CSMD1: variants seen among roughly 807,000 people sequenced by gnomAD.
The protein encoded by CSMD1 is CUB and sushi domain-containing protein 1.
A neutral mutation model predicts 417.5 loss-of-function variants in CSMD1; 213 were observed. The observed-to-expected ratio is 0.51, with a 90% confidence interval of 0.46 to 0.57. The LOEUF is 0.57. Among genes scored for constraint, CSMD1 ranks in the 20% least tolerant of loss-of-function variants. The probability of loss-of-function intolerance (pLI) is 0.00; values close to 1 mark genes in which losing one functional copy is unlikely to be tolerated. For missense variants in CSMD1, 6,923 were observed against 4,529.7 expected, an observed-to-expected ratio of 1.53 and a Z score of -15.17; for synonymous variants, 2,862 against 1,736.8, an observed-to-expected ratio of 1.65 and a Z score of -16.11.
At chr8:3,577,348 T>C (rs913694102) in intron 9 of CSMD1, among the ~76,000 whole-genome samples, 10 of 152,252 alleles carry the variant, frequency 6.6e-5, no homozygotes, top group African/African-American at 2.4e-4. Flanking sequence ...AAGCAAGTCA[T>C]GGACCCAGTT....
chr8:3,949,023 G>C (rs779372190), intron 5 of CSMD1, among the ~76,000 whole-genome samples: 2 of 151,924 alleles, frequency 1.3e-5, no homozygotes, highest in African/African-American at 4.8e-5. Context: ...ATCTGAACTA[G>C]AATTTTCTAA....
chr8:4,872,706 CAGAA>C (rs1802805377), intron 1 of CSMD1, among the ~76,000 whole-genome samples: 1 of 152,058 alleles, frequency 6.6e-6, no homozygotes, highest in African/African-American at 2.4e-5. Context: ...AACACAGAGA[CAGAA>C]AGAGACAGAG....
intron 1 of CSMD1, among the ~76,000 whole-genome samples, chr8:4,680,748 T>G (rs1041215894): frequency 2.0e-5 from 3 of 151,938 alleles, no homozygotes; most frequent in Non-Finnish European, 4.4e-5. Flanking sequence ...CCCAGCTATT[T>G]TTTGTATTTT....
chr8:4,285,440 G>C (rs1007979712), intron 3 of CSMD1, among the ~76,000 whole-genome samples: 1 of 152,256 alleles, frequency 6.6e-6, no homozygotes, highest in Admixed American at 6.5e-5. Context: ...ACCTAGACAA[G>C]GGTATTAGTT....
intron 2 of CSMD1, among the ~76,000 whole-genome samples, chr8:4,452,044 T>C (rs559968171): frequency 9.2e-5 from 14 of 151,676 alleles, no homozygotes; most frequent in Non-Finnish European, 1.6e-4. Context: ...ACCAGAGGGG[T>C]GGAAGAGGAA....
chr8:4,713,471 G>A (rs1256387257), intron 1 of CSMD1, among the ~76,000 whole-genome samples: 1 of 151,974 alleles, frequency 6.6e-6, no homozygotes, highest in Non-Finnish European at 1.5e-5. Flanking sequence ...GCGCGATACC[G>A]GCTCACTGCC....
intron 12 of CSMD1, among the ~76,000 whole-genome samples, chr8:3,442,879 A>G (rs182128443): frequency 1.8e-4 from 27 of 152,254 alleles, no homozygotes; most frequent in Admixed American, 5.9e-4. Context: ...GAATATTATA[A>G]CTTCACACAT....
At chr8:3,774,041 T>C (rs1032852324) in intron 5 of CSMD1, among the ~76,000 whole-genome samples, 1 of 152,190 alleles carries the variant, frequency 6.6e-6, no homozygotes, top group African/African-American at 2.4e-5. Flanking sequence ...TCTTTCATTC[T>C]TGGGCTTTTG....
chr8:4,251,210 A>G (rs1803045391), intron 3 of CSMD1, among the ~76,000 whole-genome samples: 2 of 152,192 alleles, frequency 1.3e-5, no homozygotes, highest in Non-Finnish European at 2.9e-5. Context: ...ACAATAAATA[A>G]AACCTATAAC....
At chr8:4,168,836 G>A (rs900315676) in intron 3 of CSMD1, among the ~76,000 whole-genome samples, 2 of 151,784 alleles carry the variant, frequency 1.3e-5, no homozygotes, top group Admixed American at 6.6e-5. Context: ...GCTCTCTGTT[G>A]TCTTCAGCCT....
rs781526763 is a variant in CSMD1 at position 3,343,460 on chromosome 8, A to T, written c.3475-10T>A. The stretch of plus-strand genomic sequence containing the variant: ...CTTTTCCATCATATACCTGATGAAA[A>T]TTCACAGCATGAGTCCCTCTATGCC... On this transcript the variant is annotated splice_polypyrimidine_tract_variant and intron_variant, in intron 22 of 69. Transcript: ENST00000635120. 11 of 1,610,716 alleles carry T rather than the reference A, an allele frequency of 6.8e-6. No individual in the cohort carries two copies. The highest frequency in any genetic ancestry group is 9.3e-6 in the Non-Finnish European group (11 of 1,177,480).
chr8:3,006,451 G>A (rs1266960118), intron 52 of CSMD1, among the ~76,000 whole-genome samples: 1 of 151,848 alleles, frequency 6.6e-6, no homozygotes, highest in African/African-American at 2.4e-5. Context: ...CCAAAAAAGA[G>A]CCCGAATCAC....
intron 3 of CSMD1, among the ~76,000 whole-genome samples, chr8:4,142,332 T>G (rs963511169): frequency 1.3e-5 from 2 of 151,144 alleles, no homozygotes; most frequent in African/African-American, 4.9e-5. Flanking sequence ...CTCATTAGCC[T>G]ACTCTACGAG....
At chr8:4,236,498 T>G (rs995445948) in intron 3 of CSMD1, among the ~76,000 whole-genome samples, 1 of 152,130 alleles carries the variant, frequency 6.6e-6, no homozygotes, top group Non-Finnish European at 1.5e-5. Context: ...AGAGTAGGAA[T>G]CTGAGATGAT....
Position 2,963,307 on chromosome 8 carries a change from G to A in CSMD1, c.9369C>T (p.Cys3123=), listed in dbSNP as rs1169751583. The A allele has an allele frequency of 1.2e-6, 2 of 1,613,932 alleles. No homozygotes were observed. The highest frequency in any genetic ancestry group is 1.1e-5 in the South Asian group (1 of 91,082). ...FRWGSSISYS[C]MDGYQLSHSA... Reference sequence around the variant, plus strand: ...AGTGAGAGAGCTGGTAACCGTCCATGCAGCTGTAACTTATGCTGGAGCCCC... The same window carrying A: ...AGTGAGAGAGCTGGTAACCGTCCATACAGCTGTAACTTATGCTGGAGCCCC... The change falls in exon 60 of 70, where the codon TGC becomes TGT. Residue 3123 remains cysteine, a synonymous_variant. Coordinates refer to ENST00000635120, the MANE Select transcript of CSMD1 (RefSeq NM_033225.6).
At chr8:3,563,853 C>T (rs1799580676) in intron 10 of CSMD1, among the ~76,000 whole-genome samples, 1 of 152,122 alleles carries the variant, frequency 6.6e-6, no homozygotes, top group Admixed American at 6.5e-5. Flanking sequence ...TATGCCATCG[C>T]ACTCCAGCCT....
chr8:4,667,914 A>G (rs958776537), intron 1 of CSMD1, among the ~76,000 whole-genome samples: 2 of 152,360 alleles, frequency 1.3e-5, no homozygotes, highest in South Asian at 2.1e-4. Context: ...TAGAGTGGCC[A>G]TCTTTGCCTG....
At chr8:3,958,071 T>C (rs1486309292) in intron 5 of CSMD1, among the ~76,000 whole-genome samples, 2 of 152,234 alleles carry the variant, frequency 1.3e-5, no homozygotes, top group African/African-American at 4.8e-5. Flanking sequence ...TCATGTGCTA[T>C]CTTAACTTTT....
intron 5 of CSMD1, among the ~76,000 whole-genome samples, chr8:3,930,838 G>C (rs1810089689): frequency 6.6e-6 from 1 of 150,612 alleles, no homozygotes; most frequent in Non-Finnish European, 1.5e-5. Context: ...ACAAAATAAA[G>C]TAATAGATAT....
Sources: allele counts gnomAD v4.1 joint callset (sites outside exome capture counted in the v4.1 genomes callset), GRCh38; gene constraint gnomAD v4.1.1; transcripts MANE v1.5; gene names NCBI Gene and HGNC (gene_info 2026-07-23, HGNC 2026-07-21).